DISC1: variants seen among roughly 807,000 people sequenced by gnomAD.
DISC1 encodes disrupted in schizophrenia 1 protein.
Under a neutral mutation model 84.5 loss-of-function variants are expected in DISC1, and 57 were observed. The ratio of observed to expected loss-of-function variants is 0.67; its 90% CI spans 0.55 to 0.84. The LOEUF is 0.84. DISC1 is among the 40% of genes least tolerant of loss of function. DISC1 has a pLI of 0.00. For synonymous variants in DISC1, 411 were observed against 415.2 expected (o/e 0.99, Z 0.12); for missense variants, 1,000 against 1,057.8 (o/e 0.95, Z 0.76).
chr1:231,929,192 A>G (rs2090512150), intron 9 of DISC1, among the ~76,000 whole-genome samples: 1 of 152,130 alleles, frequency 6.6e-6, no homozygotes, highest in South Asian at 2.1e-4. Context: ...GTGGGAGCCT[A>G]AGTCTCTTTG....
intron 9 of DISC1, among the ~76,000 whole-genome samples, chr1:231,881,702 G>C (rs2125984073): frequency 6.6e-6 from 1 of 152,228 alleles, no homozygotes; most frequent in East Asian, 1.9e-4. Flanking sequence ...TGGGGCAGGT[G>C]ACTCTAACTA....
At chr1:231,710,446 A>G (rs2067674842) in intron 3 of DISC1, among the ~76,000 whole-genome samples, 1 of 152,228 alleles carries the variant, frequency 6.6e-6, no homozygotes, top group African/African-American at 2.4e-5. Context: ...CCTTCCCATT[A>G]CAACAATTTT....
intron 4 of DISC1, among the ~76,000 whole-genome samples, chr1:231,765,338 C>A (rs2076094119): frequency 6.6e-6 from 1 of 152,122 alleles, no homozygotes; most frequent in South Asian, 2.1e-4. Flanking sequence ...CTTGGCCTCC[C>A]AGGTAGCTGG....
Position 232,031,710 on chromosome 1 carries a change from C to G in DISC1, c.2426-4982C>G, listed in dbSNP as rs149565452. ...GGCAAGGGCGTAGACACAGGGCTGT[C>G]CTGCTGCTGGCTGAGCACGAGGTGG... On this transcript the variant is annotated intron_variant, in intron 12 of 12. Transcript: ENST00000439617. The surrounding 1 kb of genome is among the most constrained non-coding windows in gnomAD (Gnocchi z 4.6). Among the ~76,000 whole-genome samples, 53 of 152,268 alleles carry G rather than the reference C, an allele frequency of 3.5e-4. No individual in the cohort carries two copies. The highest frequency in any genetic ancestry group is 2.9e-3 in the East Asian group (15 of 5,166).
At position 231,717,352 on chromosome 1, in the gene DISC1, G is replaced by A. The variant is rs1452756553; in HGVS notation, c.1117+15328G>A. 3.9e-5 allele frequency among the ~76,000 whole-genome samples: 6 copies of A among 152,336 alleles called. No homozygotes were observed. In the East Asian group the frequency reaches 1.2e-3, roughly 29 times the overall value. On this transcript the variant is annotated intron_variant, in intron 3 of 12. Transcript: ENST00000439617. ...CTCACGAGTGGGTAGAAAGTTATAGGAGGGATTGGTCTTTTCTGCTTTGGT... is the reference window on the plus strand; with the variant it reads ...CTCACGAGTGGGTAGAAAGTTATAGAAGGGATTGGTCTTTTCTGCTTTGGT...
chr1:231,650,719 CTT>C, intron 1 of DISC1, among the ~76,000 whole-genome samples: 1 of 152,344 alleles, frequency 6.6e-6, no homozygotes, highest in East Asian at 1.9e-4. Context: ...TAGATTTGGT[CTT>C]TTCACATAGT....
intron 10 of DISC1, among the ~76,000 whole-genome samples, chr1:232,008,436 T>A (rs930669942): frequency 2.6e-5 from 4 of 152,172 alleles, no homozygotes; most frequent in Admixed American, 2.6e-4. Flanking sequence ...TGATCTAGCC[T>A]GGAAGAGTTG....
At chr1:231,876,079 G>A (rs1354731740) in intron 9 of DISC1, among the ~76,000 whole-genome samples, 1 of 152,154 alleles carries the variant, frequency 6.6e-6, no homozygotes, top group Non-Finnish European at 1.5e-5. Context: ...GATATACTTG[G>A]GATGTGTGTC....
chr1:231,749,064 A>G (rs1047125936), intron 3 of DISC1, among the ~76,000 whole-genome samples: 6 of 152,288 alleles, frequency 3.9e-5, no homozygotes, highest in African/African-American at 7.2e-5. Context: ...GGCAGATTCA[A>G]TCTGAGCAGG....
chr1:231,764,507 T>G (rs1423790427), intron 4 of DISC1, among the ~76,000 whole-genome samples: 1 of 152,208 alleles, frequency 6.6e-6, no homozygotes, highest in Non-Finnish European at 1.5e-5. Context: ...AATGGTTCAT[T>G]TCATACTTTT....
At chr1:231,731,761 G>A (rs575272297) in intron 3 of DISC1, among the ~76,000 whole-genome samples, 2 of 152,142 alleles carry the variant, frequency 1.3e-5, no homozygotes, top group South Asian at 4.2e-4. Context: ...TTCCATTTGG[G>A]CATAATTTTA....
chr1:231,732,113 A>C (rs1010158100), intron 3 of DISC1, among the ~76,000 whole-genome samples: 1 of 152,170 alleles, frequency 6.6e-6, no homozygotes, highest in Admixed American at 6.5e-5. Flanking sequence ...CTTGCCCTCC[A>C]CTGTCATGAG....
intron 9 of DISC1, among the ~76,000 whole-genome samples, chr1:231,853,970 T>A (rs2084081483): frequency 6.6e-6 from 1 of 152,228 alleles, no homozygotes. Context: ...TGTTGTTTAC[T>A]GCACAGGATT....
At chr1:231,759,068 T>G (rs1333622863) in intron 4 of DISC1, among the ~76,000 whole-genome samples, 1 of 152,196 alleles carries the variant, frequency 6.6e-6, no homozygotes, top group Non-Finnish European at 1.5e-5. Flanking sequence ...AGCCCCAGTT[T>G]GCCTGTCCAC....
At chr1:231,752,339 G>A (rs4658944) in intron 4 of DISC1, among the ~76,000 whole-genome samples, 11,068 of 152,188 alleles carry the variant, frequency 0.073, 461 homozygotes, top group Admixed American at 0.098. Flanking sequence ...AATCATGGTG[G>A]AAGGTGAAAG....
In DISC1 at chr1:231,702,188, G is replaced by C. The variant is rs938615249; in HGVS notation, c.1117+164G>C. ...TCTTTTACAGCATTATTGTTTTGTA[G>C]ATTTCAAAGTACTTCATGAACATTA... On this transcript the variant is annotated intron_variant, in intron 3 of 12. Coordinates refer to ENST00000439617, the MANE Select transcript of DISC1 (RefSeq NM_018662.3). The C allele has an allele frequency of 2.9e-6, 4 of 1,385,490 alleles. No individual in the cohort carries two copies. The East Asian group carries it at 1.2e-4, about 40-fold the overall frequency. 85.8% of individuals were successfully genotyped at this position (1,385,490 alleles called of 1,614,324 possible).
At chr1:231,947,187 C>G (rs527790673) in intron 9 of DISC1, among the ~76,000 whole-genome samples, 1 of 152,198 alleles carries the variant, frequency 6.6e-6, no homozygotes, top group African/African-American at 2.4e-5. Flanking sequence ...GGAAGCATCA[C>G]GCTACTTGAC....
chr1:231,820,273 A>G (rs2081391693), intron 9 of DISC1, among the ~76,000 whole-genome samples: 1 of 152,190 alleles, frequency 6.6e-6, no homozygotes, highest in Non-Finnish European at 1.5e-5. Flanking sequence ...GAATACATTG[A>G]AGCTTTTATT....
At chr1:231,659,294 G>A (rs1291518321) in intron 1 of DISC1, among the ~76,000 whole-genome samples, 1 of 152,008 alleles carries the variant, frequency 6.6e-6, no homozygotes, top group Admixed American at 6.6e-5. Flanking sequence ...TTTTCTGATG[G>A]TTGTTTGTAT....
Sources: gnomAD v4.1 joint callset for allele counts (sites outside exome capture counted in the v4.1 genomes callset) on GRCh38, gnomAD v4.1.1 for gene constraint, Gnocchi (gnomAD v3.1) non-coding constraint, MANE v1.5 for transcripts, NCBI Gene and HGNC (gene_info 2026-07-23, HGNC 2026-07-21) for gene names.